Variants in VAT1L observed in about 807,000 individuals in gnomAD.
The protein encoded by VAT1L is putative NADPH-dependent quinone oxidoreductase VAT1L.
Under a neutral mutation model 44.1 loss-of-function variants are expected in VAT1L, and 34 were observed. The observed-to-expected ratio is 0.77, with a 90% CI of 0.59 to 1.03. The LOEUF (loss-of-function observed/expected upper bound fraction) is 1.03, where lower values mean the gene tolerates loss of function less well. Among genes scored for constraint, VAT1L ranks in the 50% least tolerant of loss-of-function variants. VAT1L has a pLI of 0.00. For missense variants in VAT1L, 615 were observed against 538.8 expected (o/e 1.14, Z -1.40); for synonymous variants, 253 against 202.2 (o/e 1.25, Z -2.13).
At chr16:77,813,869 A>G (rs1220779799) in intron 1 of VAT1L, among the ~76,000 whole-genome samples, 1 of 152,226 alleles carries the variant, frequency 6.6e-6, no homozygotes, top group Non-Finnish European at 1.5e-5. Context: ...ACATTGGTGC[A>G]GTCAGTTCTC....
At chr16:77,870,442 C>CAAAGGGTTTCTCT (rs1469010314) in intron 4 of VAT1L, among the ~76,000 whole-genome samples, 3 of 152,156 alleles carry the variant, frequency 2.0e-5, no homozygotes, top group Non-Finnish European at 4.4e-5. Context: ...TTGGCAAGGT[C>CAAAGGGTTTCTCT]AAAGGGTTTC....
At chr16:77,812,608 G>C (rs2016285223) in intron 1 of VAT1L, among the ~76,000 whole-genome samples, 1 of 152,146 alleles carries the variant, frequency 6.6e-6, no homozygotes, top group Non-Finnish European at 1.5e-5. Flanking sequence ...TGTTTTCTCA[G>C]CTTGTTACGA....
At chr16:77,973,064 C>T (rs918074437) in intron 8 of VAT1L, among the ~76,000 whole-genome samples, 1 of 151,998 alleles carries the variant, frequency 6.6e-6, no homozygotes, top group East Asian at 1.9e-4. Context: ...GTCAAACTCA[C>T]ATCCCACCTA....
intron 7 of VAT1L, among the ~76,000 whole-genome samples, chr16:77,911,272 G>A (rs1416817295): frequency 2.0e-5 from 3 of 152,190 alleles, no homozygotes; most frequent in African/African-American, 7.2e-5. Context: ...AAGGTCCTTG[G>A]TTATGATAAG....
At chr16:77,883,930 C>G (rs958453722) in intron 6 of VAT1L, among the ~76,000 whole-genome samples, 3 of 152,152 alleles carry the variant, frequency 2.0e-5, no homozygotes, top group African/African-American at 7.2e-5. Flanking sequence ...TTTAACAACC[C>G]CATCATCACC....
At chr16:77,793,232 TTCC>T (rs1427169581) in intron 1 of VAT1L, among the ~76,000 whole-genome samples, 2 of 152,154 alleles carry the variant, frequency 1.3e-5, no homozygotes, top group African/African-American at 2.4e-5. Context: ...CTGCCTTGAC[TTCC>T]TGCATAGCTG....
intron 4 of VAT1L, among the ~76,000 whole-genome samples, chr16:77,866,727 GA>G (rs200816442): frequency 1.3e-5 from 2 of 151,224 alleles, no homozygotes; most frequent in Non-Finnish European, 2.9e-5. Context: ...AAAGGGAATA[GA>G]AAAAAAAATA....
At chr16:77,909,373 A>T (rs1597093995) in intron 7 of VAT1L, among the ~76,000 whole-genome samples, 1 of 152,122 alleles carries the variant, frequency 6.6e-6, no homozygotes, top group Non-Finnish European at 1.5e-5. Flanking sequence ...GCAGTGGCTC[A>T]TGCCTGTAAT....
intron 7 of VAT1L, among the ~76,000 whole-genome samples, chr16:77,912,205 T>C (rs1231329856): frequency 3.3e-5 from 5 of 152,230 alleles, no homozygotes; most frequent in African/African-American, 1.2e-4. Context: ...GAGTTCTCTT[T>C]AGTTGTTTTC....
intron 3 of VAT1L, among the ~76,000 whole-genome samples, chr16:77,843,568 C>G (rs548264284): frequency 6.6e-6 from 1 of 152,290 alleles, no homozygotes; most frequent in South Asian, 2.1e-4. Flanking sequence ...GGAGACACGT[C>G]CAGTCAGGAA....
At chr16:77,825,547 T>A (rs1005147013) in intron 3 of VAT1L, 86 bp downstream of exon 3, 13 of 1,425,106 alleles carry the variant, frequency 9.1e-6, no homozygotes, top group Admixed American at 4.0e-5. Flanking sequence ...ATGTGAGCTA[T>A]GTCCTTTAGC....
intron 7 of VAT1L, among the ~76,000 whole-genome samples, chr16:77,967,590 A>T (rs1007468103): frequency 1.6e-4 from 24 of 152,196 alleles, no homozygotes; most frequent in African/African-American, 5.3e-4. Context: ...CCTTTCCGTA[A>T]GGGACTTCAA....
At chr16:77,935,152 G>A (rs1321034610) in intron 7 of VAT1L, among the ~76,000 whole-genome samples, 1 of 152,072 alleles carries the variant, frequency 6.6e-6, no homozygotes, top group African/African-American at 2.4e-5. Flanking sequence ...ATGATTTACA[G>A]AATGTACAGC....
At chr16:77,972,054 CA>C in intron 8 of VAT1L, 121 bp downstream of exon 8, 2 of 826,952 alleles carry the variant, frequency 2.4e-6, no homozygotes, top group Non-Finnish European at 3.8e-6. Flanking sequence ...TGGAGGAGAC[CA>C]GGGGTAATCA....
At chr16:77,960,080 C>T (rs1341223569) in intron 7 of VAT1L, among the ~76,000 whole-genome samples, 3 of 152,032 alleles carry the variant, frequency 2.0e-5, no homozygotes, top group Non-Finnish European at 2.9e-5. Context: ...TCTTCCCAAC[C>T]AGGTCAAATC....
intron 1 of VAT1L, among the ~76,000 whole-genome samples, chr16:77,799,397 G>A (rs764701451): frequency 6.6e-6 from 1 of 150,494 alleles, no homozygotes; most frequent in Non-Finnish European, 1.5e-5. Flanking sequence ...TCTCTCTCTG[G>A]CTTAAGAAAA....
chr16:77,887,186 G>A (rs1016617868), intron 7 of VAT1L, among the ~76,000 whole-genome samples: 1 of 152,156 alleles, frequency 6.6e-6, no homozygotes, highest in African/African-American at 2.4e-5. Context: ...AAAAGATTTT[G>A]GTAAATCCCA....
At chr16:77,904,295 T>C (rs774323995) in intron 7 of VAT1L, among the ~76,000 whole-genome samples, 2 of 152,138 alleles carry the variant, frequency 1.3e-5, no homozygotes, top group Non-Finnish European at 2.9e-5. Flanking sequence ...AATTTTAACA[T>C]GATTTTTTGT....
chr16:77,855,654 G>C (rs533395255), intron 3 of VAT1L, among the ~76,000 whole-genome samples: 7 of 152,180 alleles, frequency 4.6e-5, no homozygotes, highest in African/African-American at 1.7e-4. Context: ...TACAATGCAA[G>C]TTCCAAGACA....
Sources: allele counts gnomAD v4.1 joint callset (sites outside exome capture counted in the v4.1 genomes callset), GRCh38; gene constraint gnomAD v4.1.1; transcripts MANE v1.5; gene names NCBI Gene and HGNC (gene_info 2026-07-23, HGNC 2026-07-21).